The following PITHD1 variants were observed in gnomAD, a reference collection of about 807,000 sequenced individuals.
The protein encoded by PITHD1 is PITH domain-containing protein 1.
In PITHD1, 8 loss-of-function variants were observed where a neutral mutation model predicts 27.5. The ratio of observed to expected loss-of-function variants is 0.29; its 90% confidence interval spans 0.17 to 0.52. The LOEUF is 0.52. Among genes scored for constraint, PITHD1 ranks in the 20% least tolerant of loss-of-function variants. PITHD1 has a pLI of 0.96. For synonymous variants in PITHD1, 118 were observed against 106.8 expected (o/e 1.10, Z -0.64); for missense variants, 233 against 283.9 (o/e 0.82, Z 1.29).
At position 23,778,578 on chromosome 1, in the gene PITHD1, G is replaced by T. The variant is rs1638545467; in HGVS notation, c.63G>T (p.Pro21=). Reference sequence around the variant, plus strand: ...GCTGCGCCGCCGAACGGGAGGAGCCGCCCGAGCAGCGCGGCCTGGCCTACG... The same window carrying T: ...GCTGCGCCGCCGAACGGGAGGAGCCTCCCGAGCAGCGCGGCCTGGCCTACG... ...GCRCAAEREE[P]PEQRGLAYGL... The change falls in exon 1 of 6, where the codon CCG becomes CCT. Residue 21 remains proline, a synonymous_variant. Transcript: ENST00000246151. The T allele has an allele frequency of 7.4e-7, 1 of 1,342,900 alleles. No homozygotes were observed. The highest frequency in any genetic ancestry group is 9.5e-7 in the Non-Finnish European group (1 of 1,050,608). 83.2% of individuals were successfully genotyped at this position (1,342,900 alleles called of 1,614,324 possible).
chr1:23,783,316 CAT>C (rs543840563), intron 3 of PITHD1, among the ~76,000 whole-genome samples: 5 of 147,774 alleles, frequency 3.4e-5, no homozygotes, highest in South Asian at 4.3e-4. Flanking sequence ...CATATATACG[CAT>C]ATATATATAC....
intron 3 of PITHD1, among the ~76,000 whole-genome samples, chr1:23,782,751 G>C (rs1166724596): frequency 6.6e-6 from 1 of 152,046 alleles, no homozygotes; most frequent in East Asian, 1.9e-4. Context: ...ACAGACGTGT[G>C]CCACCACGCC....
intron 3 of PITHD1, among the ~76,000 whole-genome samples, chr1:23,784,478 G>T (rs1358518429): frequency 6.6e-6 from 1 of 151,958 alleles, no homozygotes; most frequent in Non-Finnish European, 1.5e-5. Context: ...CTGACCTCAT[G>T]ATCTGCCCGC....
Position 23,778,649 on chromosome 1 carries a change from A to G in PITHD1, c.134A>G (p.Glu45Gly). The change falls in exon 1 of 6, where the codon GAG becomes GGG. Residue 45 changes from glutamate to glycine, a missense_variant. By Grantham distance (98) the Glu-to-Gly change is moderately conservative. Transcript: ENST00000246151. The stretch of plus-strand genomic sequence containing the variant: ...CTGGAGCGGCTGCAATGCCTTAACG[A>G]GAGCCGCGAGGGCAGCGGCCGCGGC... Reference protein sequence around the residue: ...IDLERLQCLNESREGSGRGVF... With the variant: ...IDLERLQCLNGSREGSGRGVF... The G allele has an allele frequency of 7.5e-7, 1 of 1,328,234 alleles. No individual in the cohort carries two copies. The highest frequency in any genetic ancestry group is 9.6e-7 in the Non-Finnish European group (1 of 1,039,668). 82.3% of individuals were successfully genotyped at this position (1,328,234 alleles called of 1,614,324 possible).
Position 23,778,475 on chromosome 1 carries a change from C to T in PITHD1, c.-41C>T. 2.3e-6 allele frequency: 3 copies of T among 1,307,840 alleles called. No homozygotes were observed. Among genetic ancestry groups the T allele is most frequent in the Non-Finnish European group, 2.9e-6 (3 of 1,025,608 alleles). 81.0% of individuals were successfully genotyped at this position (1,307,840 alleles called of 1,614,324 possible). ...TGAGGCGAGCCGAGCCGAGCGAGCG[C>T]GGCGGTGGGGCCGAGAGGACGCGCA... On this transcript the variant is annotated 5_prime_UTR_variant, in exon 1 of 6. Transcript: ENST00000246151.
In PITHD1 at chr1:23,786,344, T is replaced by G. The variant is rs113051906; in HGVS notation, c.455T>G (p.Leu152Arg). ...TCTCGTTTTTCAAATGTCTATCATC[T>G]CTCAATTCATATTTCAAAAAACTTC... The part of the protein sequence containing the change: ...KISRFSNVYH[L>R]SIHISKNFGA... The change falls in exon 5 of 6, where the codon CTC (leucine) becomes CGC (arginine). Residue 152 changes from leucine to arginine, a missense_variant. Leu to Arg is a moderately radical substitution (Grantham distance 102). Transcript: ENST00000246151. The G allele has an allele frequency of 6.3e-7, 1 of 1,594,290 alleles. No homozygotes were observed. The highest frequency in any genetic ancestry group is 8.6e-7 in the Non-Finnish European group (1 of 1,162,990).
At position 23,778,465 on chromosome 1, in the gene PITHD1, C is replaced by T. The variant is rs1221187655; in HGVS notation, c.-51C>T. 53 of 1,276,710 alleles carry T rather than the reference C, an allele frequency of 4.2e-5. No homozygotes were observed. The highest frequency in any genetic ancestry group is 1.9e-4 in the South Asian group (9 of 48,468). 79.1% of individuals were successfully genotyped at this position (1,276,710 alleles called of 1,614,324 possible). A position where few individuals can be genotyped will look rare whatever the true frequency, so the allele number is the denominator to read the frequency against. On this transcript the variant is annotated 5_prime_UTR_variant, in exon 1 of 6. Transcript: ENST00000246151. The stretch of plus-strand genomic sequence containing the variant: ...GGAGCTGGTCTGAGGCGAGCCGAGC[C>T]GAGCGAGCGCGGCGGTGGGGCCGAG...
At chr1:23,784,362 T>G (rs1314768267) in intron 3 of PITHD1, among the ~76,000 whole-genome samples, 1 of 144,020 alleles carries the variant, frequency 6.9e-6, no homozygotes, top group Non-Finnish European at 1.5e-5. Flanking sequence ...TGCCTCAGCC[T>G]CCCAAGTAGC....
Position 23,785,680 on chromosome 1 carries a change from A to G in PITHD1, c.326A>G (p.Lys109Arg), listed in dbSNP as rs1457702783. ...TCTTTCCTTTCCTTTCTCAGGTACAAGAATATTCCACAGATGTCCTTTGAT... is the reference window on the plus strand; with the variant it reads ...TCTTTCCTTTCCTTTCTCAGGTACAGGAATATTCCACAGATGTCCTTTGAT... The part of the protein sequence containing the change: ...DSHPSEMRLY[K>R]NIPQMSFDDT... Residue 109 changes from lysine to arginine, a missense_variant, in exon 4 of 6, where the codon AAG (lysine) becomes AGG (arginine). Coordinates refer to ENST00000246151, the MANE Select transcript of PITHD1 (RefSeq NM_020362.5). 3 of 1,590,772 alleles carry G rather than the reference A, an allele frequency of 1.9e-6. No individual in the cohort carries two copies. Among genetic ancestry groups the G allele is most frequent in the Non-Finnish European group, 2.6e-6 (3 of 1,159,286 alleles).
At chr1:23,778,879 A>G (rs1347077683) in intron 1 of PITHD1, among the ~76,000 whole-genome samples, 166 bp downstream of exon 1, 4 of 152,102 alleles carry the variant, frequency 2.6e-5, no homozygotes, top group Admixed American at 6.5e-5. Context: ...TTGTCTCCCC[A>G]TTTTGCATAT....
chr1:23,786,289 C>A, intron 4 of PITHD1, 26 bp from the exon 5 acceptor site: 1 of 1,037,186 alleles, frequency 9.6e-7, no homozygotes, highest in Non-Finnish European at 1.5e-6. Flanking sequence ...TTCATACCTT[C>A]TTTCCCTATT....
chr1:23,784,231 T>TTTC (rs1638650963), intron 3 of PITHD1, among the ~76,000 whole-genome samples: 2 of 131,164 alleles, frequency 1.5e-5, no homozygotes, highest in African/African-American at 5.8e-5. Context: ...AAACATTTGC[T>TTTC]TTCTTTTTTT....
intron 3 of PITHD1, among the ~76,000 whole-genome samples, chr1:23,780,599 A>G: frequency 6.6e-6 from 1 of 152,142 alleles, no homozygotes; most frequent in Non-Finnish European, 1.5e-5. Context: ...GATGATATAT[A>G]GGCTGGGCAC....
intron 3 of PITHD1, among the ~76,000 whole-genome samples, chr1:23,782,812 A>C (rs537310529): frequency 2.4e-4 from 36 of 152,032 alleles, no homozygotes; most frequent in African/African-American, 8.2e-4. Context: ...TATGTTGCCC[A>C]GGCTGGTCTT....
In PITHD1 at chr1:23,786,569, G is replaced by A. The variant is rs193010008; in HGVS notation, c.534+146G>A. The stretch of plus-strand genomic sequence containing the variant: ...TTGGTTTTATCAGTATAAACTTTTC[G>A]TCTCATTTGAGAAACTACAGGTATT... On this transcript the variant is annotated intron_variant, in intron 5 of 5. Transcript: ENST00000246151. 5.2e-3 allele frequency: 1,653 copies of A among 316,770 alleles called. 12 individuals carry two copies. Among genetic ancestry groups the A allele is most frequent in the South Asian group, 0.01 (69 of 6,872 alleles). The allele number at this position is 316,770 out of a possible 1,614,324, so 19.6% of individuals were successfully genotyped here.
At chr1:23,781,462 C>CAAA (rs34492133) in intron 3 of PITHD1, among the ~76,000 whole-genome samples, 5 of 126,360 alleles carry the variant, frequency 4.0e-5, no homozygotes, top group South Asian at 2.5e-4. Context: ...GACTCTGTCT[C>CAAA]AAAAAAAAAA....
At chr1:23,779,195 G>C (rs1638558564) in intron 1 of PITHD1, among the ~76,000 whole-genome samples, 1 of 152,172 alleles carries the variant, frequency 6.6e-6, no homozygotes, top group Non-Finnish European at 1.5e-5. Context: ...CACTTCAGAA[G>C]GCTCTTCGAC....
At chr1:23,781,846 T>C (rs1638605123) in intron 3 of PITHD1, among the ~76,000 whole-genome samples, 1 of 152,210 alleles carries the variant, frequency 6.6e-6, no homozygotes, top group African/African-American at 2.4e-5. Flanking sequence ...TTAAATGAGA[T>C]AAAACATGTA....
In PITHD1 at chr1:23,787,032, A is replaced by G. The variant is rs200158430; in HGVS notation, c.535-243A>G. On this transcript the variant is annotated intron_variant, in intron 5 of 5. Coordinates refer to ENST00000246151, the MANE Select transcript of PITHD1 (RefSeq NM_020362.5). Reference sequence around the variant, plus strand: ...CCTATTCTCATGGTACCCCCATTATAGTAGGGAGACTGAATCTTCAAAGTT... The same window carrying G: ...CCTATTCTCATGGTACCCCCATTATGGTAGGGAGACTGAATCTTCAAAGTT... Among the ~76,000 whole-genome samples the G allele has an allele frequency of 1.6e-4, 24 of 152,336 alleles. No individual in the cohort carries two copies. The East Asian group carries it at 4.2e-3, about 27-fold the overall frequency.
Sources: gnomAD v4.1 joint callset for allele counts (sites outside exome capture counted in the v4.1 genomes callset) on GRCh38, gnomAD v4.1.1 for gene constraint, MANE v1.5 for transcripts, NCBI Gene and HGNC (gene_info 2026-07-23, HGNC 2026-07-21) for gene names.